Variants in ARHGAP26 observed in about 807,000 individuals in gnomAD.
ARHGAP26 encodes rho GTPase-activating protein 26.
ARHGAP26 carries 38 observed loss-of-function variants against 104.8 expected under a neutral mutation model. The observed-to-expected ratio is 0.36, with a 90% CI of 0.28 to 0.48. The LOEUF is 0.48. ARHGAP26 is among the 20% of genes least tolerant of loss of function. The pLI, the probability that ARHGAP26 is intolerant of heterozygous loss-of-function variation, is 0.99. For synonymous variants in ARHGAP26, 341 were observed against 340.0 expected, an observed-to-expected ratio of 1.00 and a Z score of -0.03; for missense variants, 704 against 947.9, an observed-to-expected ratio of 0.74 and a Z score of 3.38.
At chr5:143,119,524 T>C (rs752888277) in intron 17 of ARHGAP26, among the ~76,000 whole-genome samples, 8 of 152,200 alleles carry the variant, frequency 5.3e-5, no homozygotes, top group Non-Finnish European at 8.8e-5. Context: ...TGCATTAACT[T>C]TGTCAAACTG....
intron 5 of ARHGAP26, 43 bp downstream of exon 5, chr5:142,885,442 T>G: frequency 2.0e-6 from 3 of 1,531,514 alleles, no homozygotes; most frequent in Non-Finnish European, 2.7e-6. Flanking sequence ...GTTCAATTTG[T>G]ACATGATGCT....
intron 17 of ARHGAP26, among the ~76,000 whole-genome samples, chr5:143,095,891 C>T (rs953208277): frequency 6.6e-6 from 1 of 152,194 alleles, no homozygotes; most frequent in Non-Finnish European, 1.5e-5. Flanking sequence ...CTTCTTCACT[C>T]AATCTATTGT....
chr5:143,170,971 G>C (rs990184322), intron 20 of ARHGAP26, among the ~76,000 whole-genome samples: 1 of 152,202 alleles, frequency 6.6e-6, no homozygotes, highest in South Asian at 2.1e-4. Flanking sequence ...AGAATAGGAA[G>C]CAGAGAATGA....
chr5:142,829,693 T>C (rs552350255), intron 1 of ARHGAP26, among the ~76,000 whole-genome samples: 3 of 152,192 alleles, frequency 2.0e-5, no homozygotes, highest in Non-Finnish European at 4.4e-5. Flanking sequence ...GTAGAAAAGC[T>C]AAAGGAAATG....
intron 1 of ARHGAP26, among the ~76,000 whole-genome samples, chr5:142,792,313 T>G (rs1760017942): frequency 6.6e-6 from 1 of 152,176 alleles, no homozygotes; most frequent in Non-Finnish European, 1.5e-5. Flanking sequence ...AGATAGTGCC[T>G]CCCATACACC....
Position 143,224,595 on chromosome 5 carries a change from TCTTTA to T in ARHGAP26, c.*2153_*2157del, listed in dbSNP as rs1811512995. The T allele has an allele frequency of 8.6e-6, 2 of 231,428 alleles. No homozygotes were observed. Among genetic ancestry groups the T allele is most frequent in the Admixed American group, 5.6e-5 (1 of 17,752 alleles). 14.3% of individuals were successfully genotyped at this position (231,428 alleles called of 1,614,324 possible). A position where few individuals can be genotyped will look rare whatever the true frequency, so the allele number is the denominator to read the frequency against. On this transcript the variant is annotated 3_prime_UTR_variant, in exon 23 of 23. Coordinates refer to ENST00000645722, the MANE Select transcript of ARHGAP26 (RefSeq NM_001135608.3). ...GAAAGAGATGAGTCAGTTGCTGTGC[TCTTTA>T]CTTCTTTTTCTCCACATCTTCTGAG... is the stretch of plus-strand genomic sequence containing the variant.
At chr5:142,832,087 G>A (rs1381018046) in intron 1 of ARHGAP26, among the ~76,000 whole-genome samples, 2 of 152,178 alleles carry the variant, frequency 1.3e-5, no homozygotes, top group African/African-American at 4.8e-5. Context: ...TACCCTGTCA[G>A]TGGACACAAG....
At chr5:143,127,595 T>C (rs1796868210) in intron 18 of ARHGAP26, among the ~76,000 whole-genome samples, 3 of 152,200 alleles carry the variant, frequency 2.0e-5, no homozygotes, top group Admixed American at 2.0e-4. Flanking sequence ...ACACCTGGAC[T>C]AAGCACTAAA....
intron 14 of ARHGAP26, among the ~76,000 whole-genome samples, chr5:143,044,758 G>T (rs1044360626): frequency 6.6e-6 from 1 of 152,168 alleles, no homozygotes; most frequent in African/African-American, 2.4e-5. Flanking sequence ...GGAGCATATT[G>T]TTGGCTCCAA....
chr5:143,133,844 G>A, intron 18 of ARHGAP26, 123 bp from the exon 19 acceptor site: 2 of 898,490 alleles, frequency 2.2e-6, no homozygotes, highest in Non-Finnish European at 3.2e-6. Flanking sequence ...ACTGCCAGTG[G>A]TCTTCTCGGA....
At chr5:142,955,812 GTGCATCTCA>G (rs1769146475) in intron 11 of ARHGAP26, among the ~76,000 whole-genome samples, 2 of 152,188 alleles carry the variant, frequency 1.3e-5, no homozygotes, top group South Asian at 4.1e-4. Context: ...TTTGGCCAGG[GTGCATCTCA>G]TGCTGTCTCC....
At chr5:143,165,778 A>ATTAT (rs1192391912) in intron 20 of ARHGAP26, among the ~76,000 whole-genome samples, 1 of 152,166 alleles carries the variant, frequency 6.6e-6, no homozygotes, top group East Asian at 1.9e-4. Flanking sequence ...CATGATGTGT[A>ATTAT]TTATTTATTC....
chr5:143,108,205 C>T (rs1277709496), intron 17 of ARHGAP26, among the ~76,000 whole-genome samples: 1 of 152,184 alleles, frequency 6.6e-6, no homozygotes, highest in Non-Finnish European at 1.5e-5. Flanking sequence ...CAGATTGTTT[C>T]TAACTTTTAT....
rs532438278 is a variant in ARHGAP26, at chr5:143,045,758, G to A, written c.1285+3868G>A. Among the ~76,000 whole-genome samples the A allele has an allele frequency of 1.2e-4, 19 of 152,314 alleles. No individual in the cohort carries two copies. The South Asian group carries it at 3.9e-3, about 32-fold the overall frequency. On this transcript the variant is annotated intron_variant, in intron 14 of 22. Coordinates refer to ENST00000645722, the MANE Select transcript of ARHGAP26 (RefSeq NM_001135608.3). ...CATGCCTATAATCCCAGCCCTTTGGGAGGCCGAGGCAGGTGGATCACCTGA... is the reference window on the plus strand; with the variant it reads ...CATGCCTATAATCCCAGCCCTTTGGAAGGCCGAGGCAGGTGGATCACCTGA...
At chr5:142,850,006 C>T (rs977650520) in intron 1 of ARHGAP26, among the ~76,000 whole-genome samples, 9 of 152,214 alleles carry the variant, frequency 5.9e-5, no homozygotes, top group Admixed American at 2.0e-4. Context: ...CTAAACTAGG[C>T]CCCAGCCAGA....
chr5:143,164,658 A>C (rs935583364), intron 20 of ARHGAP26, among the ~76,000 whole-genome samples: 1 of 152,220 alleles, frequency 6.6e-6, no homozygotes, highest in Non-Finnish European at 1.5e-5. Flanking sequence ...GGGTTAATAA[A>C]ACCTGTGTTG....
At chr5:143,207,050 A>G in intron 20 of ARHGAP26, 148 bp from the exon 21 acceptor site, 1 of 862,516 alleles carries the variant, frequency 1.2e-6, no homozygotes. Context: ...GTCTGGAGGA[A>G]TGTGACATGG....
chr5:142,911,814 T>C (rs974417516), intron 9 of ARHGAP26, among the ~76,000 whole-genome samples: 1 of 152,242 alleles, frequency 6.6e-6, no homozygotes, highest in Admixed American at 6.5e-5. Flanking sequence ...GAATCTCTTA[T>C]GTTTGGGTGT....
chr5:143,111,970 A>G (rs957298157), intron 17 of ARHGAP26, among the ~76,000 whole-genome samples: 5 of 151,234 alleles, frequency 3.3e-5, no homozygotes, highest in Non-Finnish European at 7.4e-5. Context: ...ACACACTTAG[A>G]AGAAGGTGGC....
Sources: gnomAD v4.1 joint callset for allele counts (sites outside exome capture counted in the v4.1 genomes callset) on GRCh38, gnomAD v4.1.1 for gene constraint, MANE v1.5 for transcripts, NCBI Gene and HGNC (gene_info 2026-07-23, HGNC 2026-07-21) for gene names.